The following HNRNPK variants were observed in gnomAD, a reference collection of about 807,000 sequenced individuals.
HNRNPK encodes heterogeneous nuclear ribonucleoprotein K, also known as dC-stretch binding protein.
A neutral mutation model predicts 67.0 loss-of-function variants in HNRNPK; 7 were observed. The ratio of observed to expected loss-of-function variants is 0.10; its 90% confidence interval spans 0.06 to 0.20. The LOEUF (loss-of-function observed/expected upper bound fraction) is 0.20, where lower values mean the gene tolerates loss of function less well. Ranked by LOEUF, HNRNPK falls within the 10% of genes least tolerant of loss-of-function variation. HNRNPK has a pLI of 1.00. For missense variants in HNRNPK, 264 were observed against 606.5 expected (o/e 0.44, Z 5.93); for synonymous variants, 213 against 193.7 (o/e 1.10, Z -0.83).
rs1284138251 is a variant in HNRNPK, at chr9:83,971,455, G to A, written c.1009-99C>T. 6 of 905,968 alleles carry A rather than the reference G, an allele frequency of 6.6e-6. No individual in the cohort carries two copies. In the African/African-American group the frequency reaches 8.2e-5, roughly 12 times the overall value. 56.1% of individuals were successfully genotyped at this position (905,968 alleles called of 1,614,324 possible). On this transcript the variant is annotated intron_variant, in intron 12 of 16. Coordinates refer to ENST00000376263, the MANE Select transcript of HNRNPK (RefSeq NM_031263.4). ...TGCATGTTACATTAAAACAAAAGAG[G>A]GTACATATATAGGCAGCAATTTTGT...
intron 9 of HNRNPK, 124 bp downstream of exon 9, chr9:83,973,162 T>G: frequency 1.3e-6 from 1 of 766,970 alleles, no homozygotes; most frequent in Non-Finnish European, 2.2e-6. Context: ...AGACATTTTT[T>G]GTCATTTGCG....
In HNRNPK at chr9:83,968,454, T is replaced by C. The variant is rs957837132; in HGVS notation, c.*953A>G. The C allele has an allele frequency of 6.6e-6, 1 of 152,544 alleles. No homozygotes were observed. Among genetic ancestry groups the C allele is most frequent in the African/African-American group, 2.4e-5 (1 of 41,426 alleles). 9.4% of individuals were successfully genotyped at this position (152,544 alleles called of 1,614,324 possible). On this transcript the variant is annotated 3_prime_UTR_variant, in exon 17 of 17. Transcript: ENST00000376263. The stretch of plus-strand genomic sequence containing the variant: ...CAGTTTAAGTCTATAGGTGAGAAAT[T>C]ATCTAATAAAAATAATCAATTTTTT...
chr9:83,974,614 T>C (rs1231818510), intron 6 of HNRNPK, 25 bp from the exon 7 acceptor site: 2 of 1,544,392 alleles, frequency 1.3e-6, no homozygotes, highest in Non-Finnish European at 1.8e-6. Flanking sequence ...AAATACCAGA[T>C]AGTACAAAAA....
chr9:83,979,379 A>G (rs548668090), intron 1 of HNRNPK, among the ~76,000 whole-genome samples: 64 of 152,352 alleles, frequency 4.2e-4, no homozygotes, highest in Non-Finnish European at 1.8e-4. Context: ...AGAAAGTTTA[A>G]GCAAAAACAG....
intron 6 of HNRNPK, 122 bp from the exon 7 acceptor site, chr9:83,974,711 C>G: frequency 1.5e-6 from 1 of 646,590 alleles, no homozygotes; most frequent in Non-Finnish European, 2.7e-6. Context: ...TTAATATTCC[C>G]CATTTAAAGT....
At chr9:83,971,533 AG>A (rs1956841775) in intron 12 of HNRNPK, 138 bp downstream of exon 12, 1 of 830,494 alleles carries the variant, frequency 1.2e-6, no homozygotes, top group East Asian at 2.4e-5. Flanking sequence ...AGCAAATAAC[AG>A]AATTATTTAA....
chr9:83,978,893 T>C (rs534278003), intron 1 of HNRNPK, among the ~76,000 whole-genome samples: 108 of 152,314 alleles, frequency 7.1e-4, no homozygotes, highest in African/African-American at 2.3e-3. Context: ...AGTTTACAAA[T>C]ACAACGGCAA....
At chr9:83,969,795 G>A (rs368861174) in intron 16 of HNRNPK, 35 of 628,712 alleles carry the variant, frequency 5.6e-5, no homozygotes, top group Non-Finnish European at 9.3e-5. Context: ...ATTTGTTGTC[G>A]ATTTAGTTAT....
rs765812444 is a variant in HNRNPK at position 83,969,455 on chromosome 9, A to G, written c.1362-15T>C. On this transcript the variant is annotated splice_polypyrimidine_tract_variant and intron_variant, in intron 16 of 16. Transcript: ENST00000376263. ...ACTGCTTCACACTATAAAAGAAAAG[A>G]AAAAAAAGTGCGAATTAGAATTTTT... 2.6e-6 allele frequency: 4 copies of G among 1,543,344 alleles called. No individual in the cohort carries two copies. Among genetic ancestry groups the G allele is most frequent in the Admixed American group, 1.9e-5 (1 of 51,846 alleles).
At chr9:83,969,873 T>G (rs1347260246) in intron 16 of HNRNPK, 1 of 607,840 alleles carries the variant, frequency 1.6e-6, no homozygotes. Flanking sequence ...CTTCTATATT[T>G]TCTACAGGCT....
At chr9:83,975,748 A>G in intron 5 of HNRNPK, 1 of 578,856 alleles carries the variant, frequency 1.7e-6, no homozygotes, top group Non-Finnish European at 3.1e-6. Flanking sequence ...AAAGGGGGAA[A>G]AGCAATAAAT....
At chr9:83,971,411 G>T in intron 12 of HNRNPK, 55 bp from the exon 13 acceptor site, 2 of 1,197,676 alleles carry the variant, frequency 1.7e-6, no homozygotes, top group Non-Finnish European at 2.5e-6. Context: ...TTATAGAGCT[G>T]TTTTTAATAT....
chr9:83,972,090 G>A lies in HNRNPK; in HGVS notation c.745C>T (p.Arg249Cys), dbSNP rs1243337115. The A allele has an allele frequency of 1.9e-6, 3 of 1,613,880 alleles. No homozygotes were observed. Among genetic ancestry groups the A allele is most frequent in the South Asian group, 1.1e-5 (1 of 91,052 alleles). Reference sequence around the variant, plus strand: ...CCCCGCATGGGAAATCCCACTGGGCGTCCGCGACGGTCATCAAACATCATT... The same window carrying A: ...CCCCGCATGGGAAATCCCACTGGGCATCCGCGACGGTCATCAAACATCATT... ...FTMMFDDRRG[R>C]PVGFPMRGRG... Residue 249 changes from arginine (R) to cysteine (C), a missense_variant, in exon 11 of 17, where the codon CGC (arginine) becomes TGC (cysteine). Arg to Cys is a radical substitution (Grantham distance 180, BLOSUM62 -3). This residue lies in a region of HNRNPK where 142 missense variants were observed against 256.5 expected (regional missense o/e 0.55). Coordinates refer to ENST00000376263, the MANE Select transcript of HNRNPK (RefSeq NM_031263.4).
chr9:83,974,247 A>G (rs1243163870), intron 7 of HNRNPK, among the ~76,000 whole-genome samples: 2 of 151,864 alleles, frequency 1.3e-5, no homozygotes, highest in Non-Finnish European at 2.9e-5. Context: ...AATCTTTCTG[A>G]TAACTAAAGC....
chr9:83,970,370 T>A, intron 15 of HNRNPK, 39 bp from the exon 16 acceptor site: 3 of 1,480,806 alleles, frequency 2.0e-6, no homozygotes, highest in Non-Finnish European at 2.8e-6. Flanking sequence ...TACGATATAC[T>A]TTTAACATTT....
Position 83,974,597 on chromosome 9 carries a change from A to C in HNRNPK, c.258-8T>G, listed in dbSNP as rs369863171. ...GCACTGATACTCAATATGCTGTCAA[A>C]CACCACAAATACCAGATAGTACAAA... On this transcript the variant is annotated splice_region_variant and splice_polypyrimidine_tract_variant and intron_variant, in intron 6 of 16. Transcript: ENST00000376263. The C allele has an allele frequency of 1.6e-4, 248 of 1,591,398 alleles. No individual in the cohort carries two copies. Among genetic ancestry groups the C allele is most frequent in the Non-Finnish European group, 2.0e-4 (236 of 1,163,446 alleles).
chr9:83,974,653 T>G (rs1186940921), intron 6 of HNRNPK, 64 bp from the exon 7 acceptor site: 2 of 1,083,090 alleles, frequency 1.8e-6, no homozygotes, highest in Non-Finnish European at 2.8e-6. Context: ...AGTTTTGTGT[T>G]TGTCACCAAA....
intron 4 of HNRNPK, 112 bp from the exon 5 acceptor site, chr9:83,977,163 A>C: frequency 1.3e-6 from 1 of 754,466 alleles, no homozygotes; most frequent in Non-Finnish European, 2.2e-6. Context: ...ATAAGAATAA[A>C]AATCTATTTG....
intron 5 of HNRNPK, chr9:83,975,818 G>A: frequency 2.6e-6 from 1 of 381,412 alleles, no homozygotes; most frequent in Non-Finnish European, 4.9e-6. Flanking sequence ...TTGTTCTGAA[G>A]ACTAACACAA....
Sources: gnomAD v4.1 joint callset for allele counts (sites outside exome capture counted in the v4.1 genomes callset) on GRCh38, gnomAD v4.1.1 for gene constraint, gnomAD v4.1.1 regional missense constraint, MANE v1.5 for transcripts, NCBI Gene and HGNC (gene_info 2026-07-23, HGNC 2026-07-21) for gene names.